The following XIRP2 variants were observed in gnomAD, a reference collection of about 807,000 sequenced individuals.
The protein encoded by XIRP2 is xin actin binding repeat containing 2.
In XIRP2, 236 loss-of-function variants were observed where a neutral mutation model predicts 277.0. The ratio of observed to expected loss-of-function variants is 0.85; its 90% CI spans 0.77 to 0.95. XIRP2 has a LOEUF of 0.95. Ranked by LOEUF, XIRP2 falls within the 40% of genes least tolerant of loss-of-function variation. The pLI, the probability that XIRP2 is intolerant of heterozygous loss-of-function variation, is 0.00. For missense variants in XIRP2, 4,640 were observed against 4,157.5 expected (o/e 1.12, Z -3.19); for synonymous variants, 1,490 against 1,416.5 (o/e 1.05, Z -1.17).
chr2:167,089,794 C>A (rs1040295116), intron 2 of XIRP2, among the ~76,000 whole-genome samples: 5 of 152,000 alleles, frequency 3.3e-5, no homozygotes, highest in African/African-American at 1.2e-4. Context: ...AAAGTTCTAT[C>A]GAAACGCAGC....
intron 2 of XIRP2, among the ~76,000 whole-genome samples, chr2:167,032,995 A>G (rs945029112): frequency 4.6e-5 from 7 of 152,152 alleles, no homozygotes; most frequent in African/African-American, 9.6e-5. Context: ...ACATGCACAC[A>G]TGTGTTTACT....
intron 3 of XIRP2, among the ~76,000 whole-genome samples, chr2:167,201,583 C>T (rs1189929592): frequency 6.6e-6 from 1 of 152,156 alleles, no homozygotes; most frequent in Non-Finnish European, 1.5e-5. Flanking sequence ...TCCCTAACCC[C>T]TTCTTAAGTT....
intron 3 of XIRP2, among the ~76,000 whole-genome samples, chr2:167,172,539 G>T (rs565785859): frequency 2.0e-5 from 3 of 152,078 alleles, no homozygotes; most frequent in Admixed American, 1.3e-4. Context: ...AAAGACAGAC[G>T]TCCCCAGAAC....
chr2:167,204,160 A>G (rs1693794920), intron 3 of XIRP2, among the ~76,000 whole-genome samples: 1 of 152,172 alleles, frequency 6.6e-6, no homozygotes, highest in Non-Finnish European at 1.5e-5. Flanking sequence ...GGCTTCTTAC[A>G]TTGATTTTAG....
rs1383011172 is a variant in XIRP2, at chr2:166,903,816, A to G, written c.334A>G (p.Ile112Val). 2 of 1,613,542 alleles carry G rather than the reference A, an allele frequency of 1.2e-6. No homozygotes were observed. The highest frequency in any genetic ancestry group is 2.7e-5 in the African/African-American group (2 of 74,868). ...SSRRRIERFS[I>V]ALDELRSVFE... ...TCGGCGCAGGATTGAACGCTTTTCC[A>G]TTGCCCTTGATGAGCTGAGGAGTGT... Residue 112 changes from isoleucine to valine, a missense_variant, in exon 2 of 11, where the codon ATT (isoleucine) becomes GTT (valine). Physicochemically the swap from Ile to Val is conservative, Grantham distance 29. Coordinates refer to ENST00000409195, the MANE Select transcript of XIRP2 (RefSeq NM_152381.6).
chr2:167,211,839 A>C (rs1020140765), intron 4 of XIRP2, among the ~76,000 whole-genome samples: 21 of 152,238 alleles, frequency 1.4e-4, no homozygotes, highest in African/African-American at 5.1e-4. Context: ...GAGCCAATGC[A>C]TTATAAAGTC....
rs16853344 is a variant in XIRP2, at chr2:167,259,259, G to C, written c.*1442G>C. 180,679 of 1,613,180 alleles carry C rather than the reference G, an allele frequency of 0.11. 11,963 individuals are homozygous for C. Among genetic ancestry groups the C allele is most frequent in the African/African-American group, 0.3 (22,442 of 74,834 alleles). On this transcript the variant is annotated 3_prime_UTR_variant, in exon 11 of 11. Transcript: ENST00000409195. ...CACAGGTTTTGATGCTCTGAGCCATGAATGTACAGCTAAGCCTTTGTTTCC... is the reference window on the plus strand; with the variant it reads ...CACAGGTTTTGATGCTCTGAGCCATCAATGTACAGCTAAGCCTTTGTTTCC...
chr2:167,130,272 C>T (rs1691335909), intron 2 of XIRP2, among the ~76,000 whole-genome samples: 1 of 152,096 alleles, frequency 6.6e-6, no homozygotes, highest in South Asian at 2.1e-4. Flanking sequence ...CAGTCAGCTG[C>T]ACCTTCCCCA....
intron 3 of XIRP2, among the ~76,000 whole-genome samples, chr2:167,150,497 T>C (rs1691986166): frequency 6.6e-6 from 1 of 152,032 alleles, no homozygotes; most frequent in Non-Finnish European, 1.5e-5. Flanking sequence ...TGGATACAGT[T>C]TAAATGCCAA....
At chr2:167,149,049 T>C (rs1285918666) in intron 3 of XIRP2, among the ~76,000 whole-genome samples, 1 of 152,104 alleles carries the variant, frequency 6.6e-6, no homozygotes. Context: ...CACAATGGAC[T>C]GTACACATAG....
intron 5 of XIRP2, among the ~76,000 whole-genome samples, chr2:167,221,487 G>GAAAAAAAAAAAAAAAAAAAAAAAAAAA (rs1694429409): frequency 6.9e-6 from 1 of 144,032 alleles, no homozygotes; most frequent in African/African-American, 2.6e-5. Context: ...AAAAAAAAAG[G>GAAAAAAAAAAAAAAAAAAAAAAAAAAA]AAAAAGTCAT....
chr2:167,249,011 T>G lies in XIRP2; in HGVS notation c.7619T>G (p.Phe2540Cys). ...QQNPKPYMRKFKTPLMIAEEK... is the reference protein window; with the variant it reads ...QQNPKPYMRKCKTPLMIAEEK... ...AATCCAAAACCTTATATGAGAAAAT[T>G]TAAGACACCTTTAATGATTGCTGAA... The change falls in exon 9 of 11, where the codon TTT becomes TGT. Residue 2540 changes from phenylalanine to cysteine, a missense_variant. Coordinates refer to ENST00000409195, the MANE Select transcript of XIRP2 (RefSeq NM_152381.6). The G allele has an allele frequency of 1.9e-6, 3 of 1,610,670 alleles. No homozygotes were observed. The highest frequency in any genetic ancestry group is 1.1e-5 in the South Asian group (1 of 90,340).
chr2:166,965,868 G>GAGA (rs1328835797), intron 2 of XIRP2, among the ~76,000 whole-genome samples: 41 of 151,418 alleles, frequency 2.7e-4, no homozygotes, highest in African/African-American at 9.0e-4. Context: ...TTATAGATGT[G>GAGA]AGACACCATG....
At chr2:166,920,797 A>G (rs1685017186) in intron 2 of XIRP2, among the ~76,000 whole-genome samples, 2 of 152,246 alleles carry the variant, frequency 1.3e-5, no homozygotes, top group South Asian at 2.1e-4. Flanking sequence ...AAACATCACC[A>G]TATACAAATG....
chr2:166,975,059 C>A (rs1018965165), intron 2 of XIRP2, among the ~76,000 whole-genome samples: 1 of 151,890 alleles, frequency 6.6e-6, no homozygotes, highest in Non-Finnish European at 1.5e-5. Context: ...TCATCCTGAT[C>A]AAAAATTTTG....
rs1221684459 is a variant in XIRP2 at position 167,258,200 on chromosome 2, T to C, written c.*383T>C. ...GGAGATCCCTAAGAAAACCTTACCCTTTGAGGAAGAGCTCAAAATGAGTAA... is the reference window on the plus strand; with the variant it reads ...GGAGATCCCTAAGAAAACCTTACCCCTTGAGGAAGAGCTCAAAATGAGTAA... On this transcript the variant is annotated 3_prime_UTR_variant, in exon 11 of 11. Coordinates refer to ENST00000409195, the MANE Select transcript of XIRP2 (RefSeq NM_152381.6). The C allele has an allele frequency of 6.2e-7, 1 of 1,612,960 alleles. No individual in the cohort carries two copies. Among genetic ancestry groups the C allele is most frequent in the Admixed American group, 1.7e-5 (1 of 59,820 alleles).
chr2:167,034,989 A>G (rs1419716360), intron 2 of XIRP2, among the ~76,000 whole-genome samples: 2 of 152,174 alleles, frequency 1.3e-5, no homozygotes, highest in Non-Finnish European at 2.9e-5. Context: ...TGGGTTTATC[A>G]GGGGTTTCCG....
intron 2 of XIRP2, among the ~76,000 whole-genome samples, chr2:166,954,869 A>G (rs1233775620): frequency 1.3e-5 from 2 of 151,420 alleles, no homozygotes; most frequent in African/African-American, 4.9e-5. Context: ...AACAATGAGA[A>G]CACAGGGACA....
chr2:166,934,834 C>T (rs906343995), intron 2 of XIRP2, among the ~76,000 whole-genome samples: 5 of 150,578 alleles, frequency 3.3e-5, no homozygotes, highest in Non-Finnish European at 7.4e-5. Context: ...CGGAGAAGCA[C>T]TGTCTCTACT....
Sources: gnomAD v4.1 joint callset for allele counts (sites outside exome capture counted in the v4.1 genomes callset) on GRCh38, gnomAD v4.1.1 for gene constraint, MANE v1.5 for transcripts, NCBI Gene and HGNC (gene_info 2026-07-23, HGNC 2026-07-21) for gene names.